Variants in MACF1 observed in about 807,000 individuals in gnomAD.
MACF1 encodes the protein microtubule-actin cross-linking factor 1.
Under a neutral mutation model 854.8 loss-of-function variants are expected in MACF1, and 193 were observed. That is an observed-to-expected ratio of 0.23 (90% CI 0.20 to 0.25). MACF1 has a LOEUF of 0.25. Ranked by LOEUF, MACF1 falls within the 10% of genes least tolerant of loss-of-function variation. The pLI is 1.00. For synonymous variants in MACF1, 3,185 were observed against 3,226.7 expected (o/e 0.99, Z 0.44); for missense variants, 7,722 against 8,929.1 (o/e 0.86, Z 5.45).
chr1:39,189,958 G>A (rs939362828), intron 2 of MACF1, among the ~76,000 whole-genome samples: 1 of 151,970 alleles, frequency 6.6e-6, no homozygotes, highest in Non-Finnish European at 1.5e-5. Context: ...TTTTAGAGCT[G>A]GAAAAGAATT....
At chr1:39,319,793 A>G (rs764714360) in intron 31 of MACF1, 46 bp downstream of exon 31, 172 of 1,358,478 alleles carry the variant, frequency 1.3e-4, no homozygotes, top group Non-Finnish European at 1.8e-4. Flanking sequence ...TCACCAGCTC[A>G]GGAAAACCTA....
In MACF1 at chr1:39,295,753, C is replaced by G; in HGVS notation, c.2260-34C>G. The G allele has an allele frequency of 2.6e-6, 4 of 1,528,460 alleles. 1 individual carries two copies. In the South Asian group the frequency reaches 4.6e-5, roughly 18 times the overall value. 94.7% of individuals were successfully genotyped at this position (1,528,460 alleles called of 1,614,324 possible). On this transcript the variant is annotated intron_variant, in intron 19 of 100. Transcript: ENST00000564288. ...GCATATATATTGAGTCTGTTAAACT[C>G]AAGCCCTTCTGTCTGTGTGCTTGTT...
In MACF1 at chr1:39,327,323, G is replaced by A. The variant is rs1353786190; in HGVS notation, c.4584G>A (p.Gln1528=). ...CTGCAAATCAGCTTCAGCAGCTTCA[G>A]AGCCAGTTGGCTCACCAGACAGAAC... The part of the protein sequence containing the change: ...DGSANQLQQL[Q]SQLAHQTEQK... The change falls in exon 36 of 101, where the codon CAG becomes CAA. Residue 1528 remains glutamine (Q), a synonymous_variant. Transcript: ENST00000564288. The A allele has an allele frequency of 1.9e-6, 3 of 1,605,718 alleles. No homozygotes were observed. Among genetic ancestry groups the A allele is most frequent in the East Asian group, 2.2e-5 (1 of 44,754 alleles).
chr1:39,393,192 A>AT (rs1434134146), intron 58 of MACF1, among the ~76,000 whole-genome samples: 289 of 84,580 alleles, frequency 3.4e-3, no homozygotes, highest in African/African-American at 7.0e-3. Context: ...AAAAAAAAAA[A>AT]AAAAATATAT....
intron 6 of MACF1, among the ~76,000 whole-genome samples, chr1:39,275,118 G>A (rs1237969647): frequency 6.2e-5 from 9 of 146,226 alleles, no homozygotes; most frequent in South Asian, 2.2e-4. Context: ...TCGCTCTGTC[G>A]CCCAGGCTGG....
At chr1:39,418,804 A>G (rs1236658646) in intron 58 of MACF1, among the ~76,000 whole-genome samples, 3 of 152,154 alleles carry the variant, frequency 2.0e-5, no homozygotes, top group Non-Finnish European at 4.4e-5. Context: ...CAGAGGTTGC[A>G]GTGAGCTGAG....
At chr1:39,330,516 A>G (rs1332894181) in intron 36 of MACF1, among the ~76,000 whole-genome samples, 1 of 152,128 alleles carries the variant, frequency 6.6e-6, no homozygotes, top group Non-Finnish European at 1.5e-5. Flanking sequence ...CTTTGGGGGA[A>G]CTGTTACGTG....
intron 2 of MACF1, among the ~76,000 whole-genome samples, chr1:39,191,775 G>A (rs1644257570): frequency 6.6e-6 from 1 of 152,176 alleles, no homozygotes; most frequent in African/African-American, 2.4e-5. Flanking sequence ...TTTCTGCATT[G>A]CCACCTGGCT....
rs1228034611 is a variant in MACF1 at position 39,120,262 on chromosome 1, T to A, written c.220+35824T>A. Among the ~76,000 whole-genome samples the A allele has an allele frequency of 1.2e-4, 18 of 152,122 alleles. 1 individual carries two copies. The highest frequency in any genetic ancestry group is 1.2e-3 in the Admixed American group (18 of 15,270). On this transcript the variant is annotated intron_variant, in intron 2 of 93. Transcript: ENST00000361689. ...TGCATAAGCCTTTAACCTCTGTTTCTCAAATTCACTTTCCCCTTTGGAATG... is the reference window on the plus strand; with the variant it reads ...TGCATAAGCCTTTAACCTCTGTTTCACAAATTCACTTTCCCCTTTGGAATG...
At chr1:39,138,427 C>CA (rs370909075) in intron 2 of MACF1, among the ~76,000 whole-genome samples, 4 of 150,440 alleles carry the variant, frequency 2.7e-5, no homozygotes, top group African/African-American at 4.9e-5. Context: ...ACCAAAAATA[C>CA]AAAAAAAATT....
At chr1:39,254,133 C>A in intron 4 of MACF1, 165 bp from the exon 5 acceptor site, 1 of 594,574 alleles carries the variant, frequency 1.7e-6, no homozygotes, top group Non-Finnish European at 3.0e-6. Flanking sequence ...GGTCGAAACA[C>A]GTACAGGCCT....
chr1:39,382,330 A>G (rs1358319191), intron 56 of MACF1, among the ~76,000 whole-genome samples, 178 bp downstream of exon 56: 1 of 151,868 alleles, frequency 6.6e-6, no homozygotes, highest in African/African-American at 2.4e-5. Context: ...ACAGTCAAAA[A>G]CTCTATTATT....
chr1:39,346,255 G>A (rs918182030), intron 40 of MACF1, among the ~76,000 whole-genome samples: 2 of 151,566 alleles, frequency 1.3e-5, no homozygotes, highest in Admixed American at 6.6e-5. Flanking sequence ...CCAGCTACTC[G>A]AGAGGCTGAG....
chr1:39,192,650 T>G (rs659286), intron 2 of MACF1, among the ~76,000 whole-genome samples: 3 of 152,170 alleles, frequency 2.0e-5, no homozygotes, highest in Admixed American at 2.0e-4. Flanking sequence ...TTTAAAAACT[T>G]AGTCTTCTGT....
intron 2 of MACF1, among the ~76,000 whole-genome samples, chr1:39,121,561 G>T (rs1358454395): frequency 1.3e-5 from 2 of 152,076 alleles, no homozygotes; most frequent in Non-Finnish European, 2.9e-5. Context: ...TGATTCTTGT[G>T]CCTCAGCCTG....
At chr1:39,135,333 G>A (rs1643137934) in intron 2 of MACF1, among the ~76,000 whole-genome samples, 1 of 152,006 alleles carries the variant, frequency 6.6e-6, no homozygotes, top group Non-Finnish European at 1.5e-5. Flanking sequence ...TGTAATCTCC[G>A]CCTCCTGGGT....
At chr1:39,338,987 A>C (rs931154817) in intron 38 of MACF1, among the ~76,000 whole-genome samples, 4 of 152,216 alleles carry the variant, frequency 2.6e-5, no homozygotes, top group Non-Finnish European at 4.4e-5. Context: ...AGGAAAAAAA[A>C]CATACTGAGG....
At chr1:39,414,610 G>A (rs994778357) in intron 58 of MACF1, 13 of 1,367,682 alleles carry the variant, frequency 9.5e-6, no homozygotes, top group Admixed American at 4.7e-5. Context: ...ATAGTTTGTA[G>A]TCTTTCTGTT....
At chr1:39,167,977 G>C (rs1280729569) in intron 2 of MACF1, among the ~76,000 whole-genome samples, 2 of 152,204 alleles carry the variant, frequency 1.3e-5, no homozygotes, top group African/African-American at 4.8e-5. Context: ...CTCAAGTTCA[G>C]CTTGACCCTT....
Sources: gnomAD v4.1 joint callset for allele counts (sites outside exome capture counted in the v4.1 genomes callset) on GRCh38, gnomAD v4.1.1 for gene constraint, MANE v1.5 for transcripts, NCBI Gene and HGNC (gene_info 2026-07-23, HGNC 2026-07-21) for gene names.